Variants in KHDRBS2 observed in about 807,000 individuals in gnomAD.
KHDRBS2 encodes KH domain-containing, RNA-binding, signal transduction-associated protein 2.
In KHDRBS2, 26 loss-of-function variants were observed where a neutral mutation model predicts 44.3. That is an observed-to-expected ratio of 0.59 (90% CI 0.43 to 0.81). The LOEUF is 0.81. Ranked by LOEUF, KHDRBS2 falls within the 40% of genes least tolerant of loss-of-function variation. KHDRBS2 has a pLI of 0.00. For missense variants in KHDRBS2, 476 were observed against 433.1 expected (o/e 1.10, Z -0.88); for synonymous variants, 194 against 151.1 (o/e 1.28, Z -2.08).
At chr6:62,061,479 T>C (rs1442027244) in intron 2 of KHDRBS2, among the ~76,000 whole-genome samples, 1 of 150,838 alleles carries the variant, frequency 6.6e-6, no homozygotes, top group Non-Finnish European at 1.5e-5. Context: ...AATTCTTTTC[T>C]TTAAGAATGT....
intron 2 of KHDRBS2, among the ~76,000 whole-genome samples, chr6:62,069,810 C>T (rs1405578200): frequency 1.3e-5 from 2 of 151,710 alleles, no homozygotes; most frequent in Non-Finnish European, 2.9e-5. Context: ...ATATTTCTCT[C>T]AATTGAGAAT....
intron 6 of KHDRBS2, among the ~76,000 whole-genome samples, chr6:61,870,316 C>T (rs1185098228): frequency 1.3e-5 from 2 of 152,188 alleles, no homozygotes; most frequent in Non-Finnish European, 2.9e-5. Flanking sequence ...CTCAGTAAGG[C>T]TGCTGTGGCC....
At chr6:61,993,474 A>C (rs1776522865) in intron 3 of KHDRBS2, among the ~76,000 whole-genome samples, 1 of 151,516 alleles carries the variant, frequency 6.6e-6, no homozygotes, top group Admixed American at 6.6e-5. Context: ...ATATTAATAG[A>C]GTCTGCAAAG....
At chr6:62,126,010 C>T (rs1318062425) in intron 2 of KHDRBS2, among the ~76,000 whole-genome samples, 1 of 110,012 alleles carries the variant, frequency 9.1e-6, no homozygotes, top group Non-Finnish European at 2.1e-5. Context: ...ACCAGCTCAG[C>T]CATAGCAGGG....
chr6:61,883,409 G>A (rs1583318004), intron 6 of KHDRBS2, among the ~76,000 whole-genome samples: 1 of 151,908 alleles, frequency 6.6e-6, no homozygotes, highest in Non-Finnish European at 1.5e-5. Flanking sequence ...AATGGCACAG[G>A]GAGAAACCTA....
At chr6:61,691,381 G>A (rs919515584) in intron 8 of KHDRBS2, among the ~76,000 whole-genome samples, 1 of 151,966 alleles carries the variant, frequency 6.6e-6, no homozygotes, top group African/African-American at 2.4e-5. Flanking sequence ...AGCAAAAAGA[G>A]AAAGCTAATT....
chr6:62,225,893 T>C (rs1831714969), intron 1 of KHDRBS2, among the ~76,000 whole-genome samples: 1 of 152,246 alleles, frequency 6.6e-6, no homozygotes, highest in African/African-American at 2.4e-5. Context: ...CTGCATAATA[T>C]TCCATGGTGT....
chr6:61,782,140 G>A (rs1419457833), intron 6 of KHDRBS2, among the ~76,000 whole-genome samples: 4 of 152,044 alleles, frequency 2.6e-5, no homozygotes, highest in East Asian at 3.9e-4. Flanking sequence ...GGGCTGTTTC[G>A]TTAGGTACTG....
downstream of KHDRBS2, among the ~76,000 whole-genome samples, chr6:61,678,016 A>G (rs1766041720): frequency 6.6e-6 from 1 of 151,856 alleles, no homozygotes; most frequent in African/African-American, 2.4e-5. Context: ...TATTATGGAT[A>G]TTTATGTAGT....
At chr6:62,210,183 A>AT (rs980704820) in intron 1 of KHDRBS2, among the ~76,000 whole-genome samples, 3 of 152,026 alleles carry the variant, frequency 2.0e-5, no homozygotes, top group Non-Finnish European at 4.4e-5. Context: ...ACGACCACCT[A>AT]TTTTTTAGGT....
At chr6:61,975,116 A>G (rs1186707944) in intron 4 of KHDRBS2, among the ~76,000 whole-genome samples, 2 of 152,202 alleles carry the variant, frequency 1.3e-5, no homozygotes, top group Non-Finnish European at 2.9e-5. Context: ...GCATTCAGAC[A>G]GCTCACAAGG....
At chr6:61,697,486 A>G (rs1387279190) in intron 7 of KHDRBS2, among the ~76,000 whole-genome samples, 1 of 152,060 alleles carries the variant, frequency 6.6e-6, no homozygotes, top group African/African-American at 2.4e-5. Context: ...CACCAATTTG[A>G]TAAATCAAAT....
At chr6:62,159,471 AG>A (rs1360944752) in intron 2 of KHDRBS2, among the ~76,000 whole-genome samples, 1 of 152,154 alleles carries the variant, frequency 6.6e-6, no homozygotes, top group East Asian at 1.9e-4. Flanking sequence ...GATGACAAAA[AG>A]GATTATCAGG....
intron 6 of KHDRBS2, among the ~76,000 whole-genome samples, chr6:61,807,707 T>A (rs1743452): frequency 0.64 from 96,728 of 151,794 alleles, 31,594 homozygotes; most frequent in African/African-American, 0.79. Flanking sequence ...AGAAAAAAAT[T>A]TAACTATTGG....
intron 6 of KHDRBS2, among the ~76,000 whole-genome samples, chr6:61,827,564 C>G (rs76035313): frequency 0.065 from 9,960 of 152,142 alleles, 396 homozygotes; most frequent in Middle Eastern, 0.13. Context: ...GTAACTTGGA[C>G]AGCTCTCTGG....
chr6:62,248,440 C>A (rs1438979821), intron 1 of KHDRBS2, among the ~76,000 whole-genome samples: 2 of 151,938 alleles, frequency 1.3e-5, no homozygotes, highest in Non-Finnish European at 2.9e-5. Flanking sequence ...CTCACTGCAA[C>A]CTCTACCTCC....
chr6:61,731,463 T>G (rs1774437609), intron 7 of KHDRBS2, among the ~76,000 whole-genome samples: 1 of 152,122 alleles, frequency 6.6e-6, no homozygotes, highest in Non-Finnish European at 1.5e-5. Flanking sequence ...TTATTTCTAA[T>G]TGCCCACAGT....
chr6:61,738,514 A>C (rs188549743), intron 6 of KHDRBS2, among the ~76,000 whole-genome samples: 105 of 152,102 alleles, frequency 6.9e-4, no homozygotes, highest in South Asian at 2.7e-3. Flanking sequence ...TAAGTCCTCT[A>C]CAATATACTT....
the KHDRBS2 span, among the ~76,000 whole-genome samples, chr6:61,659,657 C>T: frequency 1.1e-4 from 17 of 151,734 alleles, no homozygotes; most frequent in African/African-American, 4.1e-4. Context: ...TTAAAATCCA[C>T]AGTCCTTATA....
Sources: gnomAD v4.1 joint callset for allele counts (sites outside exome capture counted in the v4.1 genomes callset) on GRCh38, gnomAD v4.1.1 for gene constraint, MANE v1.5 for transcripts, NCBI Gene and HGNC (gene_info 2026-07-23, HGNC 2026-07-21) for gene names.